RBFOX1: variants seen among roughly 807,000 people sequenced by gnomAD.
RBFOX1 encodes the protein RNA binding fox-1 homolog 1.
In RBFOX1, 8 loss-of-function variants were observed where a neutral mutation model predicts 57.7. That is an observed-to-expected ratio of 0.14 (90% CI 0.08 to 0.25). RBFOX1 has a LOEUF of 0.25. RBFOX1 is among the 10% of genes least tolerant of loss of function. The pLI is 1.00. For synonymous variants in RBFOX1, 326 were observed against 222.4 expected, an observed-to-expected ratio of 1.47 and a Z score of -4.15; for missense variants, 611 against 548.5, an observed-to-expected ratio of 1.11 and a Z score of -1.14.
At chr16:7,003,906 A>G (rs1322258052) in intron 3 of RBFOX1, 1 of 152,102 alleles carries the variant, frequency 6.6e-6, no homozygotes, top group Non-Finnish European at 1.5e-5. Flanking sequence ...GGGTCAATGA[A>G]ATGGTCATTA....
At chr16:5,682,738 C>G (rs1046201272) in intron 3 of RBFOX1, among the ~76,000 whole-genome samples, 3 of 152,212 alleles carry the variant, frequency 2.0e-5, no homozygotes, top group African/African-American at 7.2e-5. Context: ...AGAGAGGTGT[C>G]TTCATCCTTG....
intron 3 of RBFOX1, among the ~76,000 whole-genome samples, chr16:5,686,729 A>G (rs1396492011): frequency 2.0e-5 from 3 of 152,228 alleles, no homozygotes; most frequent in Admixed American, 6.5e-5. Flanking sequence ...AATTGCCGAA[A>G]TATAGAATAG....
chr16:7,034,848 C>CTTTT lies in RBFOX1; in HGVS notation c.-15-17194_-15-17191dup, dbSNP rs58405378. Among the ~76,000 whole-genome samples the CTTTT allele has an allele frequency of 1.2e-3, 38 of 30,838 alleles. 8 individuals carry two copies. Among genetic ancestry groups the CTTTT allele is most frequent in the African/African-American group, 1.6e-3 (9 of 5,750 alleles). The allele number at this position is 30,838 out of a possible 152,430, so 20.2% of individuals were successfully genotyped here. ...ATTACTTTTTTTTTTTTTCTTTTTT[C>CTTTT]TTTTTTTTTTTTTTTTTTGAGATGG... On this transcript the variant is annotated intron_variant, in intron 3 of 15. Transcript: ENST00000550418.
At chr16:5,480,327 T>G (rs1237971707) in intron 2 of RBFOX1, among the ~76,000 whole-genome samples, 1 of 151,964 alleles carries the variant, frequency 6.6e-6, no homozygotes. Context: ...CACCCACATG[T>G]ACTACACATC....
At chr16:5,994,516 A>G (rs933949796) in intron 4 of RBFOX1, among the ~76,000 whole-genome samples, 1 of 152,194 alleles carries the variant, frequency 6.6e-6, no homozygotes, top group Non-Finnish European at 1.5e-5. Context: ...TCCTGGTACC[A>G]CAATTTTAGC....
chr16:5,946,468 C>G lies in RBFOX1; in HGVS notation c.351+79133C>G, dbSNP rs1413506653. 6.6e-6 allele frequency among the ~76,000 whole-genome samples: 1 copy of G among 152,214 alleles called. No individual in the cohort carries two copies. The highest frequency in any genetic ancestry group is 2.4e-5 in the African/African-American group (1 of 41,462). On this transcript the variant is annotated intron_variant, in intron 4 of 19. Transcript: ENST00000641259. This position sits in a 1 kb window ranked among gnomAD's most constrained non-coding sequence, Gnocchi z 4.6. ...GAACAGCTCAGCCAAGATCTCTGCTCTCATGGAATGGGAGTGCCTCATGGT... is the reference window on the plus strand; with the variant it reads ...GAACAGCTCAGCCAAGATCTCTGCTGTCATGGAATGGGAGTGCCTCATGGT...
At chr16:5,756,236 A>AG (rs1205741984) in intron 3 of RBFOX1, among the ~76,000 whole-genome samples, 3 of 150,874 alleles carry the variant, frequency 2.0e-5, no homozygotes, top group Non-Finnish European at 4.4e-5. Flanking sequence ...AAAAAAAAAA[A>AG]AAAAAAAAAA....
intron 3 of RBFOX1, among the ~76,000 whole-genome samples, chr16:6,942,263 G>A (rs920853717): frequency 6.6e-6 from 1 of 152,010 alleles, no homozygotes; most frequent in African/African-American, 2.4e-5. Context: ...CTGACTGACC[G>A]AGTGAGACTC....
chr16:7,305,115 G>T (rs1051775552), intron 4 of RBFOX1, among the ~76,000 whole-genome samples: 2 of 151,770 alleles, frequency 1.3e-5, no homozygotes, highest in African/African-American at 4.8e-5. Flanking sequence ...ATGTGTTAGG[G>T]TGTTTGTGTG....
intron 3 of RBFOX1, among the ~76,000 whole-genome samples, chr16:6,805,296 A>T (rs2086481082): frequency 6.6e-6 from 1 of 152,168 alleles, no homozygotes; most frequent in South Asian, 2.1e-4. Context: ...GAACAAAAAA[A>T]CAAATATTGC....
intron 3 of RBFOX1, among the ~76,000 whole-genome samples, chr16:6,966,472 C>T (rs571570917): frequency 2.1e-4 from 32 of 152,138 alleles, no homozygotes; most frequent in African/African-American, 6.5e-4. Flanking sequence ...CTGCCATCCA[C>T]GGAGCATGAT....
chr16:6,132,709 C>A (rs2096638124), intron 1 of RBFOX1, among the ~76,000 whole-genome samples: 1 of 152,072 alleles, frequency 6.6e-6, no homozygotes, highest in Admixed American at 6.6e-5. Context: ...AGATCTCTTT[C>A]TTCAACTATG....
At chr16:7,620,212 A>T (rs985431730) in intron 10 of RBFOX1, among the ~76,000 whole-genome samples, 1 of 152,206 alleles carries the variant, frequency 6.6e-6, no homozygotes, top group African/African-American at 2.4e-5. Context: ...CTTACTGATT[A>T]CTATTTGCCA....
intron 4 of RBFOX1, among the ~76,000 whole-genome samples, chr16:7,233,488 G>T (rs150046299): frequency 6.6e-6 from 1 of 152,142 alleles, no homozygotes; most frequent in African/African-American, 2.4e-5. Context: ...ACAGCAGGCC[G>T]TCGATCAGCA....
At chr16:6,586,610 C>T (rs930498200) in intron 2 of RBFOX1, among the ~76,000 whole-genome samples, 2 of 152,158 alleles carry the variant, frequency 1.3e-5, no homozygotes, top group East Asian at 3.9e-4. Flanking sequence ...AATACTTCTT[C>T]CCACATTACA....
intron 3 of RBFOX1, among the ~76,000 whole-genome samples, chr16:6,884,431 C>G (rs921993853): frequency 7.2e-5 from 11 of 152,176 alleles, no homozygotes; most frequent in African/African-American, 1.2e-4. Flanking sequence ...ACAGTAAAGT[C>G]TCTGCCTTCA....
chr16:6,781,146 A>T (rs903789969), intron 3 of RBFOX1, among the ~76,000 whole-genome samples: 3 of 152,012 alleles, frequency 2.0e-5, no homozygotes, highest in African/African-American at 4.8e-5. Flanking sequence ...TAAATTCTTT[A>T]ATCCGTTTTG....
chr16:6,802,114 C>G (rs938856586), intron 3 of RBFOX1, among the ~76,000 whole-genome samples: 4 of 151,996 alleles, frequency 2.6e-5, no homozygotes, highest in African/African-American at 9.7e-5. Flanking sequence ...GTTAAGAAAT[C>G]CTTCAGTATC....
intron 4 of RBFOX1, among the ~76,000 whole-genome samples, chr16:5,931,189 C>T (rs1005318726): frequency 2.0e-5 from 3 of 152,070 alleles, no homozygotes; most frequent in African/African-American, 7.2e-5. Context: ...CCTTGAGCTC[C>T]AACCACATCA....
Sources: allele counts gnomAD v4.1 joint callset (sites outside exome capture counted in the v4.1 genomes callset), GRCh38; gene constraint gnomAD v4.1.1; non-coding constraint Gnocchi (gnomAD v3.1); transcripts MANE v1.5; gene names NCBI Gene and HGNC (gene_info 2026-07-23, HGNC 2026-07-21).